POU6F2: variants seen among roughly 807,000 people sequenced by gnomAD.
POU6F2 encodes POU class 6 homeobox 2, also known as POU domain, class 6, transcription factor 2.
A neutral mutation model predicts 71.3 loss-of-function variants in POU6F2; 31 were observed. The observed-to-expected ratio is 0.43, with a 90% CI of 0.33 to 0.59. The LOEUF (loss-of-function observed/expected upper bound fraction) is 0.59, where lower values mean the gene tolerates loss of function less well. Among genes scored for constraint, POU6F2 ranks in the 20% least tolerant of loss-of-function variants. The pLI, the probability that POU6F2 is intolerant of heterozygous loss-of-function variation, is 0.04. For missense variants in POU6F2, 783 were observed against 856.8 expected (o/e 0.91, Z 1.07); for synonymous variants, 347 against 355.7 (o/e 0.98, Z 0.27).
chr7:39,223,052 T>G (rs1794400619), intron 4 of POU6F2, among the ~76,000 whole-genome samples: 1 of 152,200 alleles, frequency 6.6e-6, no homozygotes, highest in Admixed American at 6.5e-5. Flanking sequence ...TTAACAACAT[T>G]TACAATTTTC....
chr7:39,053,541 T>C (rs1288509447), intron 1 of POU6F2, among the ~76,000 whole-genome samples: 1 of 152,098 alleles, frequency 6.6e-6, no homozygotes, highest in African/African-American at 2.4e-5. Flanking sequence ...GTGAGTTACT[T>C]AAAATATAAA....
At chr7:39,391,935 C>T (rs1787083203) in intron 5 of POU6F2, among the ~76,000 whole-genome samples, 1 of 152,194 alleles carries the variant, frequency 6.6e-6, no homozygotes, top group Non-Finnish European at 1.5e-5. Flanking sequence ...ATTCCCAGCC[C>T]AGAGGTGTTC....
At chr7:39,175,733 T>C (rs1793313648) in intron 2 of POU6F2, among the ~76,000 whole-genome samples, 1 of 152,198 alleles carries the variant, frequency 6.6e-6, no homozygotes, top group Non-Finnish European at 1.5e-5. Context: ...TCATGTGGCC[T>C]CATGTATGGC....
At chr7:39,161,617 G>C (rs1262971191) in intron 2 of POU6F2, among the ~76,000 whole-genome samples, 1 of 152,098 alleles carries the variant, frequency 6.6e-6, no homozygotes, top group African/African-American at 2.4e-5. Flanking sequence ...AACTGATAAG[G>C]CATCTTTCAA....
intron 5 of POU6F2, among the ~76,000 whole-genome samples, chr7:39,365,699 T>A (rs1466875139): frequency 2.6e-5 from 4 of 151,720 alleles, no homozygotes. Context: ...AAAAAAACAA[T>A]CCCATCAAAA....
At chr7:39,230,116 A>G (rs1294842039) in intron 4 of POU6F2, among the ~76,000 whole-genome samples, 3 of 152,222 alleles carry the variant, frequency 2.0e-5, no homozygotes, top group Non-Finnish European at 4.4e-5. Flanking sequence ...CCATTGCTCC[A>G]GTAACTGGGA....
intron 1 of POU6F2, among the ~76,000 whole-genome samples, chr7:39,040,851 T>A (rs1173152825): frequency 6.6e-6 from 1 of 151,940 alleles, no homozygotes; most frequent in Non-Finnish European, 1.5e-5. Flanking sequence ...TGTTTACCCT[T>A]CCTGACATCT....
Position 39,406,625 on chromosome 7 carries a change from A to T in POU6F2, c.998A>T (p.Gln333Leu). ...LQLVNNPLAS[Q>L]AAAAAAAMSS... ...CTGGTTAATAATCCACTAGCAAGTC[A>T]GGCTGCAGCGGCTGCAGCAGCCATG... is the stretch of plus-strand genomic sequence containing the variant. Residue 333 changes from glutamine (Q) to leucine (L), a missense_variant, in exon 6 of 10, where the codon CAG becomes CTG. Gln to Leu is a moderately radical substitution (Grantham distance 113). Coordinates refer to ENST00000518318, the MANE Select transcript of POU6F2 (RefSeq NM_001370959.1). 1 of 1,613,492 alleles carries T rather than the reference A, an allele frequency of 6.2e-7. No homozygotes were observed. Among genetic ancestry groups the T allele is most frequent in the Non-Finnish European group, 8.5e-7 (1 of 1,179,810 alleles).
chr7:39,078,944 T>G (rs1251320328), intron 1 of POU6F2, among the ~76,000 whole-genome samples: 1 of 152,146 alleles, frequency 6.6e-6, no homozygotes, highest in Non-Finnish European at 1.5e-5. Flanking sequence ...AGGGAGGATC[T>G]GGGCAGTACC....
chr7:39,399,882 AAGAAAAAG>A (rs1787259528), intron 5 of POU6F2, among the ~76,000 whole-genome samples: 1 of 151,978 alleles, frequency 6.6e-6, no homozygotes, highest in Admixed American at 6.5e-5. Context: ...GAAAGAAAGA[AAGAAAAAG>A]AAAAGAAAGG....
chr7:39,323,014 G>A (rs185906638), intron 4 of POU6F2, among the ~76,000 whole-genome samples: 9 of 151,992 alleles, frequency 5.9e-5, no homozygotes, highest in Admixed American at 2.0e-4. Context: ...AAGTCATCAA[G>A]TGGCCAATCA....
chr7:39,377,621 A>T (rs1406559600), intron 5 of POU6F2, among the ~76,000 whole-genome samples: 1 of 152,158 alleles, frequency 6.6e-6, no homozygotes. Flanking sequence ...CATGTCAGTA[A>T]CTAGCTCCCT....
At chr7:39,127,922 A>G (rs1792175469) in intron 2 of POU6F2, among the ~76,000 whole-genome samples, 1 of 144,130 alleles carries the variant, frequency 6.9e-6, no homozygotes, top group Non-Finnish European at 1.5e-5. Flanking sequence ...TGCTCACTGC[A>G]AACTCTGCCT....
At chr7:39,315,094 T>C (rs1220220184) in intron 4 of POU6F2, among the ~76,000 whole-genome samples, 1 of 152,208 alleles carries the variant, frequency 6.6e-6, no homozygotes, top group Non-Finnish European at 1.5e-5. Context: ...CTTTATAGCA[T>C]AGAAAGAAAA....
intron 5 of POU6F2, among the ~76,000 whole-genome samples, chr7:39,356,414 A>G (rs1786258353): frequency 6.6e-6 from 1 of 152,122 alleles, no homozygotes; most frequent in African/African-American, 2.4e-5. Flanking sequence ...TGCTCCTTCC[A>G]TGAAGTGCCC....
intron 5 of POU6F2, among the ~76,000 whole-genome samples, chr7:39,364,498 T>C (rs956855936): frequency 1.3e-5 from 2 of 152,192 alleles, no homozygotes; most frequent in South Asian, 2.1e-4. Flanking sequence ...CTTCCACTTA[T>C]GAGCGAGAAC....
intron 5 of POU6F2, among the ~76,000 whole-genome samples, chr7:39,372,126 G>T (rs974969431): frequency 3.3e-5 from 5 of 152,078 alleles, no homozygotes; most frequent in African/African-American, 4.8e-5. Flanking sequence ...TCCCTATGTT[G>T]CCCAACCTTG....
intron 1 of POU6F2, among the ~76,000 whole-genome samples, chr7:39,003,516 G>A (rs753745152): frequency 6.7e-6 from 1 of 148,364 alleles, no homozygotes; most frequent in Admixed American, 6.8e-5. Context: ...TGAGGCAGGC[G>A]ATCACGAGGT....
intron 5 of POU6F2, among the ~76,000 whole-genome samples, chr7:39,375,123 G>T (rs879173968): frequency 6.6e-6 from 1 of 152,058 alleles, no homozygotes; most frequent in African/African-American, 2.4e-5. Context: ...GGGGGCTGGC[G>T]GGAAGATGAA....
Sources: gnomAD v4.1 joint callset for allele counts (sites outside exome capture counted in the v4.1 genomes callset) on GRCh38, gnomAD v4.1.1 for gene constraint, MANE v1.5 for transcripts, NCBI Gene and HGNC (gene_info 2026-07-23, HGNC 2026-07-21) for gene names.